NCR1: variants seen among roughly 807,000 people sequenced by gnomAD.
NCR1 encodes the protein NK cell-activating receptor.
NCR1 carries 30 observed loss-of-function variants against 32.5 expected under a neutral mutation model. That is an observed-to-expected ratio of 0.92 (90% confidence interval 0.69 to 1.25). The LOEUF (loss-of-function observed/expected upper bound fraction) is 1.25. Among genes scored for constraint, NCR1 ranks in the 50% most tolerant of loss-of-function variants. The pLI is 0.00. For missense variants in NCR1, 369 were observed against 380.7 expected, an observed-to-expected ratio of 0.97 and a Z score of 0.26; for synonymous variants, 169 against 143.4, an observed-to-expected ratio of 1.18 and a Z score of -1.28.
chr19:54,927,909 C>G, the NCR1 span: 3 of 771,190 alleles, frequency 3.9e-6, no homozygotes, highest in African/African-American at 1.7e-5. Flanking sequence ...CTTGCCAACA[C>G]GGTCAAACCC....
At chr19:54,903,350 G>A (rs989392743), upstream of NCR1, among the ~76,000 whole-genome samples, 3 of 108,262 alleles carry the variant, frequency 2.8e-5, no homozygotes, top group Admixed American at 9.7e-5. Context: ...ATACATATAT[G>A]CATATATACA....
In NCR1 at chr19:54,906,346, C is replaced by T; in HGVS notation, c.70+12C>T. The T allele has an allele frequency of 1.2e-6, 2 of 1,613,042 alleles. No individual in the cohort carries two copies. Among genetic ancestry groups the T allele is most frequent in the Non-Finnish European group, 1.7e-6 (2 of 1,179,966 alleles). On this transcript the variant is annotated intron_variant, in intron 2 of 6. Transcript: ENST00000291890. ...CAGCGCCCAGCAGCGTGAGTCCTTCCTTCAAAGCCCAGGGTCACTCTTCCG... is the reference window on the plus strand; with the variant it reads ...CAGCGCCCAGCAGCGTGAGTCCTTCTTTCAAAGCCCAGGGTCACTCTTCCG...
intron 2 of NCR1, 62 bp from the exon 3 acceptor site, chr19:54,906,461 G>A: frequency 1.3e-6 from 2 of 1,599,982 alleles, no homozygotes; most frequent in Non-Finnish European, 1.7e-6. Context: ...CAGCAGCTGG[G>A]TGGAGCCTAA....
chr19:54,931,516 C>A, the NCR1 span, among the ~76,000 whole-genome samples: 2 of 152,072 alleles, frequency 1.3e-5, no homozygotes, highest in Non-Finnish European at 2.9e-5. Flanking sequence ...ATGGAGAAAC[C>A]CGTCTCTACT....
chr19:54,934,522 A>T, the NCR1 span: 1 of 1,614,200 alleles, frequency 6.2e-7, no homozygotes, highest in Non-Finnish European at 8.5e-7. This position sits in a 1 kb window ranked among gnomAD's most constrained non-coding sequence, Gnocchi z 6.7. Context: ...TGGGCGTGTC[A>T]TGGTCTTGTA....
chr19:54,922,240 A>G, the NCR1 span, among the ~76,000 whole-genome samples: 3 of 152,278 alleles, frequency 2.0e-5, no homozygotes, highest in East Asian at 3.9e-4. Flanking sequence ...TGGAGAGCCA[A>G]GTGAGGAGAG....
At chr19:54,904,812 C>G (rs7255591), upstream of NCR1, among the ~76,000 whole-genome samples, 133,960 of 152,198 alleles carry the variant, frequency 0.88, 59,272 homozygotes, top group Non-Finnish European at 0.91. Flanking sequence ...GATGACAGGC[C>G]TGAGCCACCG....
chr19:54,921,793 A>G, the NCR1 span, among the ~76,000 whole-genome samples: 1 of 145,718 alleles, frequency 6.9e-6, no homozygotes, highest in Non-Finnish European at 1.5e-5. Context: ...AAAAAAAAAA[A>G]AAGAAAAGAA....
chr19:54,937,112 G>A, the NCR1 span, among the ~76,000 whole-genome samples: 1 of 151,650 alleles, frequency 6.6e-6, no homozygotes, highest in African/African-American at 2.4e-5. Flanking sequence ...CAGCTACTCG[G>A]GAGGCTGAGG....
intron 5 of NCR1, 131 bp downstream of exon 5, chr19:54,910,196 G>T: frequency 3.5e-6 from 3 of 868,008 alleles, no homozygotes; most frequent in Non-Finnish European, 5.6e-6. Flanking sequence ...CAGCACTTTG[G>T]GAGGCCGAGA....
chr19:54,898,684 G>A, the NCR1 span, among the ~76,000 whole-genome samples: 3 of 152,090 alleles, frequency 2.0e-5, no homozygotes, highest in Non-Finnish European at 2.9e-5. Flanking sequence ...AGCGTCTCAG[G>A]GTTGCTGCCA....
Position 54,909,278 on chromosome 19 carries a change from C to A in NCR1, c.389C>A (p.Pro130His). Residue 130 changes from proline to histidine, a missense_variant, in exon 4 of 7, where the codon CCT becomes CAT. Transcript: ENST00000291890. ...MYDTPTLSVH[P>H]GPEVISGEKV... The stretch of plus-strand genomic sequence containing the variant: ...GACACACCCACCCTCTCGGTTCATC[C>A]TGGACCCGAAGTGATCTCGGGAGAG... The A allele has an allele frequency of 6.2e-7, 1 of 1,614,062 alleles. No individual in the cohort carries two copies. The highest frequency in any genetic ancestry group is 8.5e-7 in the Non-Finnish European group (1 of 1,179,960).
At chr19:54,928,334 T>C in the NCR1 span, among the ~76,000 whole-genome samples, 1,289 of 152,222 alleles carry the variant, frequency 8.5e-3, 13 homozygotes, top group Non-Finnish European at 0.013. Context: ...GCAGAGGTTG[T>C]AGTTAGCCAA....
chr19:54,920,983 C>A (rs1305264129), downstream of NCR1, among the ~76,000 whole-genome samples: 2 of 151,968 alleles, frequency 1.3e-5, no homozygotes, highest in Non-Finnish European at 2.9e-5. Context: ...GTCCGCCCCA[C>A]CACCCCACCA....
At chr19:54,909,178 G>GAAA in intron 3 of NCR1, 67 bp from the exon 4 acceptor site, 2 of 1,164,896 alleles carry the variant, frequency 1.7e-6, no homozygotes, top group South Asian at 1.7e-5. Flanking sequence ...TCTAAAGAAA[G>GAAA]AAAAAAAAAA....
chr19:54,901,066 C>T, the NCR1 span, among the ~76,000 whole-genome samples: 3 of 141,144 alleles, frequency 2.1e-5, no homozygotes, highest in Non-Finnish European at 3.0e-5. Context: ...GGGCGGATCA[C>T]GAGGTCAGGA....
chr19:54,915,716 C>T (rs149707704), downstream of NCR1: 5 of 151,754 alleles, frequency 3.3e-5, no homozygotes, highest in Non-Finnish European at 7.4e-5. Context: ...CATGTAGGCA[C>T]CTGTAATCCT....
chr19:54,929,911 G>A, the NCR1 span, among the ~76,000 whole-genome samples: 2 of 149,690 alleles, frequency 1.3e-5, no homozygotes, highest in Non-Finnish European at 1.5e-5. Flanking sequence ...TCAGGAGATC[G>A]AGACCATCCT....
At chr19:54,911,554 C>T (rs2067979859) in intron 5 of NCR1, among the ~76,000 whole-genome samples, 2 of 152,170 alleles carry the variant, frequency 1.3e-5, no homozygotes, top group African/African-American at 4.8e-5. Flanking sequence ...GAGTTCAAGA[C>T]CAGCCTGGCC....
Sources: allele counts gnomAD v4.1 joint callset (sites outside exome capture counted in the v4.1 genomes callset), GRCh38; gene constraint gnomAD v4.1.1; non-coding constraint Gnocchi (gnomAD v3.1); transcripts MANE v1.5; gene names NCBI Gene and HGNC (gene_info 2026-07-23, HGNC 2026-07-21).